Variants in RBM26 observed in about 807,000 individuals in gnomAD.
RBM26 encodes RNA binding motif protein 26.
A neutral mutation model predicts 123.6 loss-of-function variants in RBM26; 30 were observed. The observed-to-expected ratio is 0.24, with a 90% CI of 0.18 to 0.33. The LOEUF is 0.33. Ranked by LOEUF, RBM26 falls within the 10% of genes least tolerant of loss-of-function variation. The probability of loss-of-function intolerance (pLI) is 1.00; values close to 1 mark genes in which losing one functional copy is unlikely to be tolerated. For synonymous variants in RBM26, 400 were observed against 404.4 expected, an observed-to-expected ratio of 0.99 and a Z score of 0.13; for missense variants, 947 against 1,203.6, an observed-to-expected ratio of 0.79 and a Z score of 3.15.
chr13:79,318,199 A>G (rs1593842816), downstream of RBM26, among the ~76,000 whole-genome samples: 7 of 151,356 alleles, frequency 4.6e-5, no homozygotes, highest in Admixed American at 4.6e-4. Flanking sequence ...CTATAAACAC[A>G]ATCTCATGTT....
At chr13:79,397,538 C>T (rs1196463205) in intron 1 of RBM26, among the ~76,000 whole-genome samples, 2 of 151,366 alleles carry the variant, frequency 1.3e-5, no homozygotes, top group Admixed American at 6.6e-5. Context: ...AAAAGTTAGC[C>T]GGGTGTGGTG....
At chr13:79,343,081 A>T (rs978490931) in intron 16 of RBM26, among the ~76,000 whole-genome samples, 1 of 151,788 alleles carries the variant, frequency 6.6e-6, no homozygotes, top group Non-Finnish European at 1.5e-5. Context: ...CTCTCAGAAC[A>T]TAAGTTTGAA....
At chr13:79,336,594 T>G (rs1044455006) in intron 19 of RBM26, among the ~76,000 whole-genome samples, 3 of 152,168 alleles carry the variant, frequency 2.0e-5, no homozygotes, top group African/African-American at 7.2e-5. Flanking sequence ...AGAATCCCAT[T>G]CTCCCTTCTT....
intron 1 of RBM26, among the ~76,000 whole-genome samples, chr13:79,395,499 G>T (rs2078478412): frequency 6.6e-6 from 1 of 152,028 alleles, no homozygotes. Context: ...CAGCACTTTG[G>T]GAAGCTGAAT....
At chr13:79,353,629 G>T (rs895238816) in intron 13 of RBM26, among the ~76,000 whole-genome samples, 7 of 152,102 alleles carry the variant, frequency 4.6e-5, no homozygotes, top group African/African-American at 1.7e-4. Flanking sequence ...AATTTGGGAT[G>T]ATAGGACTGG....
At chr13:79,402,785 T>C (rs2079160755) in intron 1 of RBM26, among the ~76,000 whole-genome samples, 2 of 152,192 alleles carry the variant, frequency 1.3e-5, no homozygotes, top group Admixed American at 1.3e-4. Flanking sequence ...AAGTGTTTCC[T>C]GATGTTCCCA....
At chr13:79,349,278 T>C (rs925425266) in intron 14 of RBM26, among the ~76,000 whole-genome samples, 1 of 152,200 alleles carries the variant, frequency 6.6e-6, no homozygotes, top group Non-Finnish European at 1.5e-5. Flanking sequence ...ACTATAGATA[T>C]CTTTAATTTA....
intron 3 of RBM26, among the ~76,000 whole-genome samples, chr13:79,372,248 T>C (rs538564574): frequency 7.1e-4 from 108 of 152,172 alleles, no homozygotes; most frequent in African/African-American, 2.4e-3. Flanking sequence ...CAGTGCACAC[T>C]CCAGCCTGGG....
intron 1 of RBM26, among the ~76,000 whole-genome samples, chr13:79,389,900 C>T (rs1245232529): frequency 1.3e-5 from 2 of 151,962 alleles, no homozygotes; most frequent in African/African-American, 4.8e-5. Context: ...TTCTATGGAA[C>T]CACTGGAAAG....
chr13:79,314,265 T>C (rs759092587), downstream of RBM26: 4 of 151,732 alleles, frequency 2.6e-5, no homozygotes, highest in Admixed American at 6.6e-5. Flanking sequence ...GATGTCTTGA[T>C]TGAAAGTCAA....
intron 13 of RBM26, among the ~76,000 whole-genome samples, chr13:79,354,152 C>T (rs2073668045): frequency 6.6e-6 from 1 of 151,892 alleles, no homozygotes; most frequent in African/African-American, 2.4e-5. Flanking sequence ...GGCAGTTTTG[C>T]TGACATGTAT....
At chr13:79,366,910 C>A in intron 6 of RBM26, 38 bp from the exon 7 acceptor site, 1 of 1,478,012 alleles carries the variant, frequency 6.8e-7, no homozygotes, top group Non-Finnish European at 9.1e-7. Flanking sequence ...ATGTCAAAAG[C>A]ACTGGAAATA....
At chr13:79,403,979 G>C (rs949235229) in intron 1 of RBM26, among the ~76,000 whole-genome samples, 17 of 150,792 alleles carry the variant, frequency 1.1e-4, no homozygotes, top group Admixed American at 8.6e-4. Flanking sequence ...TCCTGCCTCA[G>C]TACTAGGCCC....
chr13:79,344,906 C>G, intron 14 of RBM26, 112 bp from the exon 15 acceptor site: 1 of 928,946 alleles, frequency 1.1e-6, no homozygotes, highest in Non-Finnish European at 1.6e-6. Context: ...TCAAAACACA[C>G]TGAACTAAAT....
At chr13:79,353,447 A>G (rs968271725) in intron 13 of RBM26, among the ~76,000 whole-genome samples, 1 of 152,190 alleles carries the variant, frequency 6.6e-6, no homozygotes, top group African/African-American at 2.4e-5. Flanking sequence ...ATGTAAACTA[A>G]GAGGTCTGAG....
intron 3 of RBM26, among the ~76,000 whole-genome samples, chr13:79,373,495 G>T (rs192769218): frequency 3.2e-3 from 27 of 8,502 alleles, no homozygotes; most frequent in African/African-American, 9.7e-3. Flanking sequence ...TATATAATAT[G>T]TATAAATATA....
chr13:79,356,849 T>C (rs2074079450), intron 11 of RBM26, among the ~76,000 whole-genome samples: 1 of 152,180 alleles, frequency 6.6e-6, no homozygotes, highest in Admixed American at 6.5e-5. Context: ...TAGTGAGGTA[T>C]GTTTTGCCCC....
chr13:79,354,506 A>C lies in RBM26; in HGVS notation c.1919T>G (p.Leu640Arg). 6.2e-7 allele frequency: 1 copy of C among 1,610,294 alleles called. No individual in the cohort carries two copies. Among genetic ancestry groups the C allele is most frequent in the Non-Finnish European group, 8.5e-7 (1 of 1,177,378 alleles). ...AATAGTACTTGAAGGTACTGGACCC[A>C]GCCGCTCTTTGACTGACTGCTTCAC... is the stretch of plus-strand genomic sequence containing the variant. Reference protein sequence around the residue: ...PVVKQSVKERLGPVPSSTIEP... With the variant: ...PVVKQSVKERRGPVPSSTIEP... The change falls in exon 13 of 22, where the codon CTG becomes CGG. Residue 640 changes from leucine (L) to arginine (R), a missense_variant. Coordinates refer to ENST00000438737, the MANE Select transcript of RBM26 (RefSeq NM_001366735.2).
At position 79,322,332 on chromosome 13, in the gene RBM26, GA is replaced by G. The variant is rs760337835; in HGVS notation, c.2934+16del. 4.8e-5 allele frequency: 71 copies of G among 1,473,598 alleles called. No individual in the cohort carries two copies. Among genetic ancestry groups the G allele is most frequent in the Admixed American group, 1.1e-4 (5 of 43,500 alleles). The allele number at this position is 1,473,598 out of a possible 1,614,324, so 91.3% of individuals were successfully genotyped here. A position where few individuals can be genotyped will look rare whatever the true frequency, so the allele number is the denominator to read the frequency against. ...GAACGATTAAGGGTAAAAATAAGTG[GA>G]AAAAAAATAACATACTTCTTCTTCA... On this transcript the variant is annotated intron_variant, in intron 21 of 21. Transcript: ENST00000438737.
Sources: gnomAD v4.1 joint callset for allele counts (sites outside exome capture counted in the v4.1 genomes callset) on GRCh38, gnomAD v4.1.1 for gene constraint, MANE v1.5 for transcripts, NCBI Gene and HGNC (gene_info 2026-07-23, HGNC 2026-07-21) for gene names.